MTUS2: variants seen among roughly 807,000 people sequenced by gnomAD.
The protein encoded by MTUS2 is microtubule-associated tumor suppressor candidate 2.
In MTUS2, 40 loss-of-function variants were observed where a neutral mutation model predicts 114.1. The ratio of observed to expected loss-of-function variants is 0.35; its 90% CI spans 0.27 to 0.46. The LOEUF (loss-of-function observed/expected upper bound fraction) is 0.46, where lower values mean the gene tolerates loss of function less well. Among genes scored for constraint, MTUS2 ranks in the 20% least tolerant of loss-of-function variants. The pLI, the probability that MTUS2 is intolerant of heterozygous loss-of-function variation, is 1.00. For missense variants in MTUS2, 1,679 were observed against 1,705.4 expected (o/e 0.98, Z 0.27); for synonymous variants, 688 against 672.0 (o/e 1.02, Z -0.37).
At chr13:29,225,760 C>G (rs1446596213) in intron 5 of MTUS2, among the ~76,000 whole-genome samples, 1 of 151,958 alleles carries the variant, frequency 6.6e-6, no homozygotes, top group Non-Finnish European at 1.5e-5. Context: ...CATGTGCTGA[C>G]CGAAAGAATA....
At chr13:29,120,473 A>C (rs1312593707) in intron 5 of MTUS2, among the ~76,000 whole-genome samples, 2 of 152,048 alleles carry the variant, frequency 1.3e-5, no homozygotes, top group Non-Finnish European at 2.9e-5. Context: ...ATAAAAGATA[A>C]ATTCCTAGAT....
chr13:29,307,569 G>A (rs1410344807), intron 6 of MTUS2: 2 of 1,237,328 alleles, frequency 1.6e-6, no homozygotes, highest in Admixed American at 3.4e-5. Flanking sequence ...TGGTAAAGCA[G>A]GTGTCAGAGG....
At chr13:29,049,648 G>T (rs1887798435) in intron 4 of MTUS2, among the ~76,000 whole-genome samples, 1 of 152,168 alleles carries the variant, frequency 6.6e-6, no homozygotes, top group Non-Finnish European at 1.5e-5. Context: ...TGGGTCTCAG[G>T]ACAGGTCAGT....
intron 2 of MTUS2, among the ~76,000 whole-genome samples, chr13:28,933,487 T>A (rs1346602247): frequency 1.3e-5 from 2 of 152,214 alleles, no homozygotes; most frequent in African/African-American, 2.4e-5. Context: ...TATGTGTTAA[T>A]CCCATTAAAA....
At chr13:28,971,609 GC>G (rs1351351495) in intron 2 of MTUS2, among the ~76,000 whole-genome samples, 2 of 152,164 alleles carry the variant, frequency 1.3e-5, no homozygotes, top group Non-Finnish European at 2.9e-5. Context: ...GATTTTATTT[GC>G]ATTATATAAT....
At chr13:29,441,577 C>T (rs1207635995) in intron 9 of MTUS2, among the ~76,000 whole-genome samples, 1 of 152,138 alleles carries the variant, frequency 6.6e-6, no homozygotes, top group African/African-American at 2.4e-5. Flanking sequence ...ATCCAGATGC[C>T]CACATCTGGC....
At chr13:28,939,271 A>G (rs7318181) in intron 2 of MTUS2, among the ~76,000 whole-genome samples, 1,837 of 152,338 alleles carry the variant, frequency 0.012, 33 homozygotes, top group African/African-American at 0.042. Context: ...TTTAAAAGCC[A>G]GTATCTTTAC....
chr13:29,388,207 C>G (rs1333545127), intron 8 of MTUS2, among the ~76,000 whole-genome samples: 1 of 151,976 alleles, frequency 6.6e-6, no homozygotes, highest in Non-Finnish European at 1.5e-5. Flanking sequence ...ATGTATTTAC[C>G]AGAGTTGATT....
At chr13:29,168,776 A>G (rs1202953351) in intron 5 of MTUS2, among the ~76,000 whole-genome samples, 1 of 152,140 alleles carries the variant, frequency 6.6e-6, no homozygotes, top group Non-Finnish European at 1.5e-5. Flanking sequence ...ATCACTATGT[A>G]AGTTCTAAGG....
intron 9 of MTUS2, among the ~76,000 whole-genome samples, chr13:29,450,911 C>A (rs948750494): frequency 1.3e-5 from 2 of 152,144 alleles, no homozygotes; most frequent in African/African-American, 4.8e-5. Context: ...CAAATACCTA[C>A]ATACCGAACA....
At chr13:28,970,055 C>T (rs1883782363) in intron 2 of MTUS2, among the ~76,000 whole-genome samples, 1 of 152,220 alleles carries the variant, frequency 6.6e-6, no homozygotes, top group South Asian at 2.1e-4. Context: ...GCGGGGATTA[C>T]AGGTGTGAAC....
At chr13:29,169,892 A>G (rs1893481066) in intron 5 of MTUS2, among the ~76,000 whole-genome samples, 1 of 152,154 alleles carries the variant, frequency 6.6e-6, no homozygotes, top group African/African-American at 2.4e-5. Flanking sequence ...TGCCTTTCCT[A>G]TTGCCTCGCC....
intron 3 of MTUS2, 94 bp downstream of exon 3, chr13:29,026,997 T>C (rs549707746): frequency 1.6e-6 from 2 of 1,267,880 alleles, no homozygotes; most frequent in East Asian, 4.8e-5. Flanking sequence ...ATGTCCTCTT[T>C]AAGTGAATTA....
rs1270545332 is a variant in MTUS2, at chr13:29,026,246, A to G, written c.1548A>G (p.Ala516=). ...AAAACAGGAACCTTCTAGAGAATGC[A>G]GATAAGATTGAAAGCACCTCAGCAA... ...VAENRNLLEN[A]DKIESTSARA... Residue 516 remains alanine, a synonymous_variant, in exon 3 of 16, where the codon GCA becomes GCG. Transcript: ENST00000612955. The G allele has an allele frequency of 3.1e-6, 5 of 1,614,024 alleles. No individual in the cohort carries two copies. Among genetic ancestry groups the G allele is most frequent in the Non-Finnish European group, 8.5e-7 (1 of 1,179,908 alleles).
intron 5 of MTUS2, among the ~76,000 whole-genome samples, chr13:29,267,812 A>T (rs1341829862): frequency 6.6e-6 from 1 of 152,196 alleles, no homozygotes; most frequent in African/African-American, 2.4e-5. Flanking sequence ...GAGAAAGGAC[A>T]TCCAGTGAAT....
intron 4 of MTUS2, among the ~76,000 whole-genome samples, chr13:29,097,436 A>G (rs969895117): frequency 3.9e-5 from 6 of 152,184 alleles, no homozygotes; most frequent in African/African-American, 1.2e-4. Flanking sequence ...TGTAATATTT[A>G]TAGCTATCAT....
In MTUS2 at chr13:29,065,528, T is replaced by C. The variant is rs1287417820; in HGVS notation, c.2446+31403T>C. Among the ~76,000 whole-genome samples, 4 of 152,220 alleles carry C rather than the reference T, an allele frequency of 2.6e-5. No homozygotes were observed. In the East Asian group the frequency reaches 7.7e-4, roughly 29 times the overall value. On this transcript the variant is annotated intron_variant, in intron 4 of 15. Coordinates refer to ENST00000612955, the MANE Select transcript of MTUS2 (RefSeq NM_001033602.4). ...TCAGTTCCTTATAGATGCTAGATAT[T>C]AGACCTTTGTCAGAGGCATAGTTTT...
intron 2 of MTUS2, among the ~76,000 whole-genome samples, chr13:28,907,023 AG>A (rs1273439536): frequency 6.6e-6 from 1 of 151,626 alleles, no homozygotes; most frequent in African/African-American, 2.4e-5. Context: ...TTACCCACAA[AG>A]GGAAGCCCAT....
intron 2 of MTUS2, among the ~76,000 whole-genome samples, chr13:29,005,252 C>A (rs1885555224): frequency 6.6e-6 from 1 of 152,156 alleles, no homozygotes; most frequent in Admixed American, 6.5e-5. Context: ...TGGTCGAGGG[C>A]CCCACACAGG....
Sources: gnomAD v4.1 joint callset for allele counts (sites outside exome capture counted in the v4.1 genomes callset) on GRCh38, gnomAD v4.1.1 for gene constraint, MANE v1.5 for transcripts, NCBI Gene and HGNC (gene_info 2026-07-23, HGNC 2026-07-21) for gene names.